TBX15: variants seen among roughly 807,000 people sequenced by gnomAD.
The protein encoded by TBX15 is T-box transcription factor 15, also known as T-box transcription factor TBX15.
TBX15 carries 18 observed loss-of-function variants against 53.9 expected under a neutral mutation model. The ratio of observed to expected loss-of-function variants is 0.33; its 90% confidence interval spans 0.23 to 0.49. The LOEUF is 0.49. Ranked by LOEUF, TBX15 falls within the 20% of genes least tolerant of loss-of-function variation. The pLI is 0.98. For missense variants in TBX15, 692 were observed against 749.5 expected (o/e 0.92, Z 0.90); for synonymous variants, 295 against 278.0 (o/e 1.06, Z -0.61).
chr1:118,936,548 GC>G (rs1351293004), intron 1 of TBX15, among the ~76,000 whole-genome samples: 4 of 151,926 alleles, frequency 2.6e-5, no homozygotes, highest in Non-Finnish European at 2.9e-5. Flanking sequence ...ATATCTTTCT[GC>G]TAAAAAAAGT....
At chr1:118,971,243 C>T (rs1173694046) in intron 1 of TBX15, among the ~76,000 whole-genome samples, 1 of 152,156 alleles carries the variant, frequency 6.6e-6, no homozygotes, top group Non-Finnish European at 1.5e-5. Context: ...TGTTAAATGT[C>T]CTTTCTTTCT....
chr1:118,902,750 G>A (rs1654675631), intron 6 of TBX15, among the ~76,000 whole-genome samples: 1 of 152,066 alleles, frequency 6.6e-6, no homozygotes, highest in Non-Finnish European at 1.5e-5. Context: ...GCAGGGGTGA[G>A]TCATTTCACC....
intron 6 of TBX15, among the ~76,000 whole-genome samples, chr1:118,905,259 G>A (rs577603389): frequency 1.3e-5 from 2 of 152,210 alleles, no homozygotes; most frequent in African/African-American, 4.8e-5. Context: ...AGTCCCTCTA[G>A]GCCTCATTAT....
intron 2 of TBX15, among the ~76,000 whole-genome samples, chr1:118,929,765 G>A (rs1199862817): frequency 6.6e-6 from 1 of 152,044 alleles, no homozygotes; most frequent in East Asian, 1.9e-4. Context: ...AGGGAATAAC[G>A]AAGTGATATC....
chr1:118,894,938 C>A (rs1654370889), intron 7 of TBX15, among the ~76,000 whole-genome samples: 1 of 152,082 alleles, frequency 6.6e-6, no homozygotes, highest in Admixed American at 6.5e-5. Context: ...AAAAAAAATT[C>A]TATGTGATAA....
chr1:118,942,554 T>C (rs1246743672), intron 1 of TBX15, among the ~76,000 whole-genome samples: 1 of 152,102 alleles, frequency 6.6e-6, no homozygotes. Context: ...CCCAATGAAA[T>C]CCCTATTAAG....
chr1:118,963,941 G>A (rs531185821), intron 1 of TBX15, among the ~76,000 whole-genome samples: 1 of 152,300 alleles, frequency 6.6e-6, no homozygotes, highest in East Asian at 1.9e-4. Flanking sequence ...GCAACATAGA[G>A]AAGCCATATG....
intron 7 of TBX15, among the ~76,000 whole-genome samples, chr1:118,893,397 GAAAGAAAGA>G: frequency 7.4e-6 from 1 of 135,162 alleles, no homozygotes; most frequent in Admixed American, 7.3e-5. Flanking sequence ...AAGAAAGAAA[GAAAGAAAGA>G]AAGGAAGAAG....
At chr1:118,916,666 C>A (rs1299887979) in intron 5 of TBX15, among the ~76,000 whole-genome samples, 1 of 152,046 alleles carries the variant, frequency 6.6e-6, no homozygotes, top group Non-Finnish European at 1.5e-5. Context: ...GAGTTCAAGA[C>A]CAGCCTGGGA....
intron 2 of TBX15, among the ~76,000 whole-genome samples, chr1:118,927,594 G>A (rs1384464090): frequency 6.6e-6 from 1 of 152,170 alleles, no homozygotes; most frequent in Non-Finnish European, 1.5e-5. Flanking sequence ...GGAATTGGAA[G>A]CAAATACCAA....
intron 1 of TBX15, among the ~76,000 whole-genome samples, chr1:118,953,038 C>G (rs6701231): frequency 0.3 from 45,977 of 151,168 alleles, 8,444 homozygotes; most frequent in East Asian, 0.57. Context: ...ATGTATAAAC[C>G]CAATACTGAC....
intron 5 of TBX15, among the ~76,000 whole-genome samples, chr1:118,918,047 C>A (rs1372539386): frequency 2.0e-5 from 3 of 152,166 alleles, no homozygotes; most frequent in Non-Finnish European, 4.4e-5. Context: ...TTGAAATGCT[C>A]ATTTCTCTAC....
At chr1:118,989,007 G>T (rs1483027420), upstream of TBX15, among the ~76,000 whole-genome samples, 2 of 152,204 alleles carry the variant, frequency 1.3e-5, no homozygotes, top group Admixed American at 6.5e-5. Flanking sequence ...CGGAGCGCGG[G>T]GTTTAGGGCG....
Position 118,987,901 on chromosome 1 carries a change from C to G in TBX15, c.-106G>C, listed in dbSNP as rs1454156092. 6.4e-6 allele frequency: 9 copies of G among 1,400,212 alleles called. No individual in the cohort carries two copies. The highest frequency in any genetic ancestry group is 8.7e-6 in the Non-Finnish European group (9 of 1,036,864). 86.7% of individuals were successfully genotyped at this position (1,400,212 alleles called of 1,614,324 possible). On this transcript the variant is annotated 5_prime_UTR_variant, in exon 1 of 8. Transcript: ENST00000369429. ...GGGCCCGGCCCGGGAGAGGCGGAGG[C>G]GCGTCGGACGAGGCTGAGACTGCGG...
At chr1:118,923,415 C>A (rs534155441) in intron 5 of TBX15, 21 bp downstream of exon 5, 1 of 1,613,610 alleles carries the variant, frequency 6.2e-7, no homozygotes, top group Middle Eastern at 1.7e-4. Flanking sequence ...TAGCAGAAGA[C>A]TCTCAAGGGC....
intron 1 of TBX15, among the ~76,000 whole-genome samples, chr1:118,972,020 C>A (rs1657248990): frequency 6.6e-6 from 1 of 152,178 alleles, no homozygotes; most frequent in Non-Finnish European, 1.5e-5. Context: ...ATAATGATGG[C>A]CAAAGGGGGA....
chr1:118,946,410 A>C (rs1382946130), intron 1 of TBX15, among the ~76,000 whole-genome samples: 1 of 152,178 alleles, frequency 6.6e-6, no homozygotes, highest in Non-Finnish European at 1.5e-5. Context: ...GCAAGGATGC[A>C]TGGGATTTAT....
chr1:118,988,755 A>AGCCC (rs1571227295), upstream of TBX15, among the ~76,000 whole-genome samples: 1 of 152,352 alleles, frequency 6.6e-6, no homozygotes, highest in Non-Finnish European at 1.5e-5. Flanking sequence ...ATTTCGCGTC[A>AGCCC]GCCCCTAGGT....
chr1:118,933,323 G>T (rs936938801), intron 1 of TBX15, among the ~76,000 whole-genome samples: 1 of 152,054 alleles, frequency 6.6e-6, no homozygotes, highest in Admixed American at 6.6e-5. Context: ...CACTTGTGAA[G>T]ATATTCAGGT....
Sources: allele counts gnomAD v4.1 joint callset (sites outside exome capture counted in the v4.1 genomes callset), GRCh38; gene constraint gnomAD v4.1.1; transcripts MANE v1.5; gene names NCBI Gene and HGNC (gene_info 2026-07-23, HGNC 2026-07-21).